STRA6: variants seen among roughly 807,000 people sequenced by gnomAD.
The protein encoded by STRA6 is receptor for retinol uptake STRA6.
Under a neutral mutation model 83.6 loss-of-function variants are expected in STRA6, and 48 were observed. The ratio of observed to expected loss-of-function variants is 0.57; its 90% CI spans 0.46 to 0.73. STRA6 has a LOEUF of 0.73. Among genes scored for constraint, STRA6 ranks in the 30% least tolerant of loss-of-function variants. The probability of loss-of-function intolerance (pLI) is 0.00; values close to 1 mark genes in which losing one functional copy is unlikely to be tolerated. For synonymous variants in STRA6, 353 were observed against 362.3 expected, an observed-to-expected ratio of 0.97 and a Z score of 0.29; for missense variants, 760 against 838.8, an observed-to-expected ratio of 0.91 and a Z score of 1.16.
chr15:74,185,786 C>T (rs1233574680), intron 12 of STRA6, among the ~76,000 whole-genome samples: 2 of 152,250 alleles, frequency 1.3e-5, no homozygotes, highest in South Asian at 2.1e-4. Context: ...ACTGTTCCCA[C>T]TGGGCTGAAG....
At chr15:74,182,296 C>T (rs748443053) in intron 15 of STRA6, 34 bp from the exon 16 acceptor site, 7 of 1,612,616 alleles carry the variant, frequency 4.3e-6, no homozygotes, top group East Asian at 2.2e-5. Context: ...TCGCTGTTAG[C>T]GGACCTCTAA....
intron 2 of STRA6, among the ~76,000 whole-genome samples, chr15:74,200,491 T>A (rs990675741): frequency 2.6e-5 from 4 of 152,202 alleles, no homozygotes; most frequent in African/African-American, 9.7e-5. Flanking sequence ...TCCACTGCCA[T>A]CAGTGTTCAT....
Position 74,191,198 on chromosome 15 carries a change from G to C in STRA6, c.834C>G (p.Cys278Trp). 6.2e-7 allele frequency: 1 copy of C among 1,613,588 alleles called. No homozygotes were observed. Among genetic ancestry groups the C allele is most frequent in the South Asian group, 1.1e-5 (1 of 91,044 alleles). ...GTGGAGTGTAGATGCAGTGTCTCAAGCAGACGCGGGCCCAGGACAGGAAGC... is the reference window on the plus strand; with the variant it reads ...GTGGAGTGTAGATGCAGTGTCTCAACCAGACGCGGGCCCAGGACAGGAAGC... ...KHGFLSWARV[C>W]LRHCIYTPQP... Residue 278 changes from cysteine (C) to tryptophan (W), a missense_variant, in exon 10 of 19, where the codon TGC (cysteine) becomes TGG (tryptophan). By Grantham distance (215) the Cys-to-Trp change is radical. Transcript: ENST00000395105.
At chr15:74,199,933 G>T (rs1446309977) in intron 2 of STRA6, among the ~76,000 whole-genome samples, 4 of 152,150 alleles carry the variant, frequency 2.6e-5, no homozygotes, top group Non-Finnish European at 2.9e-5. Context: ...AAAATGGTTA[G>T]TGGCTGGGAG....
At chr15:74,191,576 C>T (rs916544728) in intron 8 of STRA6, 85 bp from the exon 9 acceptor site, 44 of 1,188,996 alleles carry the variant, frequency 3.7e-5, no homozygotes, top group Non-Finnish European at 4.9e-5. Flanking sequence ...AGAGTGTTCA[C>T]CAAGCAGGTG....
At position 74,202,767 on chromosome 15, in the gene STRA6, A is replaced by C; in HGVS notation, c.-70T>G. The C allele has an allele frequency of 8.4e-7, 1 of 1,189,564 alleles. No homozygotes were observed. The allele number at this position is 1,189,564 out of a possible 1,614,324, so 73.7% of individuals were successfully genotyped here. On this transcript the variant is annotated 5_prime_UTR_variant, in exon 1 of 19. Transcript: ENST00000395105. The stretch of plus-strand genomic sequence containing the variant: ...GCAGAGATGAAAGGGTAGGCAGCCC[A>C]CGGCCAGCTCCGCACTGCCTGCCTG...
Position 74,202,696 on chromosome 15 carries a change from C to A in STRA6, c.-16+17G>T, listed in dbSNP as rs961732057. On this transcript the variant is annotated intron_variant, in intron 1 of 18. Transcript: ENST00000395105. ...TTCCCCTTTCCCAAGCCCACCTAGA[C>A]AGACCCACAGACACACCAGAAGGGA... The A allele has an allele frequency of 1.8e-5, 24 of 1,322,736 alleles. No individual in the cohort carries two copies. The highest frequency in any genetic ancestry group is 7.0e-5 in the Admixed American group (2 of 28,726). 81.9% of individuals were successfully genotyped at this position (1,322,736 alleles called of 1,614,324 possible).
rs868320735 is a variant in STRA6 at position 74,208,111 on chromosome 15, G to A, written c.-16+689C>T. On this transcript the variant is annotated intron_variant, in intron 1 of 18. Transcript: ENST00000323940. ...GGGTGGACACTGGTGAGGAGGAGGA[G>A]GGTAGCCGGCTGTGCCAGGGGAGCA... The A allele has an allele frequency of 2.7e-6, 3 of 1,124,820 alleles. No homozygotes were observed. In the African/African-American group the frequency reaches 4.8e-5, roughly 18 times the overall value. 69.7% of individuals were successfully genotyped at this position (1,124,820 alleles called of 1,614,324 possible).
intron 12 of STRA6, among the ~76,000 whole-genome samples, chr15:74,186,750 G>A (rs1300968691): frequency 2.0e-5 from 3 of 152,206 alleles, no homozygotes; most frequent in Admixed American, 6.5e-5. Flanking sequence ...CAGCCTGGGC[G>A]ACAGAGCACA....
rs1380024175 is a variant in STRA6 at position 74,184,881 on chromosome 15, GC to G, written c.1166+98del. On this transcript the variant is annotated intron_variant, in intron 13 of 18. Transcript: ENST00000395105. The stretch of plus-strand genomic sequence containing the variant: ...CTCCATGACAGCCCGGGCCGGCAGA[GC>G]CCTTCCCTCCCTCCAGGCCCAGGGC... 2.4e-6 allele frequency: 3 copies of G among 1,241,982 alleles called. No individual in the cohort carries two copies. The African/African-American group carries it at 4.4e-5, about 18-fold the overall frequency. The allele number at this position is 1,241,982 out of a possible 1,614,324, so 76.9% of individuals were successfully genotyped here.
chr15:74,179,911 C>G lies in STRA6; in HGVS notation c.*169G>C. ...CATAGCCAAGTGGGTGGAGCAGAGC[C>G]CTCCTGAGGCTCCCAGTGCAGACAG... On this transcript the variant is annotated 3_prime_UTR_variant, in exon 19 of 19. Transcript: ENST00000395105. 1.1e-6 allele frequency: 1 copy of G among 875,608 alleles called. No individual in the cohort carries two copies. Among genetic ancestry groups the G allele is most frequent in the South Asian group, 1.7e-5 (1 of 59,552 alleles). 54.2% of individuals were successfully genotyped at this position (875,608 alleles called of 1,614,324 possible).
intron 12 of STRA6, among the ~76,000 whole-genome samples, chr15:74,186,687 CT>C (rs1217171485): frequency 3.3e-5 from 5 of 152,190 alleles, no homozygotes; most frequent in African/African-American, 1.2e-4. Flanking sequence ...GGGAGAATTG[CT>C]TGAACCCAGG....
In STRA6 at chr15:74,185,071, T is replaced by A. The variant is rs761365307; in HGVS notation, c.1091-16A>T. Reference sequence around the variant, plus strand: ...ATGTAGCACACTGGTGGGCAGAGAATGAGCAAAGTGAGAGGTCAGGGTCTG... The same window carrying A: ...ATGTAGCACACTGGTGGGCAGAGAAAGAGCAAAGTGAGAGGTCAGGGTCTG... On this transcript the variant is annotated splice_polypyrimidine_tract_variant and intron_variant, in intron 12 of 18. Coordinates refer to ENST00000395105, the MANE Select transcript of STRA6 (RefSeq NM_022369.4). The A allele has an allele frequency of 8.7e-6, 14 of 1,613,010 alleles. No homozygotes were observed. The South Asian group carries it at 1.5e-4, about 18-fold the overall frequency.
In STRA6 at chr15:74,194,356, G is replaced by A. The variant is rs79679817; in HGVS notation, c.598-434C>T. The stretch of plus-strand genomic sequence containing the variant: ...ACTCCTCAGGGCTGAGGCCTTCCTG[G>A]GGGTGGGCTTTTTGTATACTCATTC... On this transcript the variant is annotated intron_variant, in intron 7 of 18. Coordinates refer to ENST00000395105, the MANE Select transcript of STRA6 (RefSeq NM_022369.4). 304 of 1,069,762 alleles carry A rather than the reference G, an allele frequency of 2.8e-4. No homozygotes were observed. In the African/African-American group the frequency reaches 4.8e-3, roughly 17 times the overall value. 66.3% of individuals were successfully genotyped at this position (1,069,762 alleles called of 1,614,324 possible).
upstream of STRA6, among the ~76,000 whole-genome samples, chr15:74,205,542 G>A (rs2074240634): frequency 6.6e-6 from 1 of 152,158 alleles, no homozygotes; most frequent in South Asian, 2.1e-4. Flanking sequence ...GGGATACCCC[G>A]CAATGACCCA....
chr15:74,207,446 C>G (rs1356682155), upstream of STRA6, among the ~76,000 whole-genome samples: 9 of 152,166 alleles, frequency 5.9e-5, no homozygotes. Context: ...CACTCAAACT[C>G]TGGCAAACTC....
chr15:74,201,863 C>A (rs2074081969), intron 2 of STRA6, among the ~76,000 whole-genome samples: 1 of 152,168 alleles, frequency 6.6e-6, no homozygotes, highest in Non-Finnish European at 1.5e-5. Context: ...ACCCAGGGAG[C>A]CATCCCTGCA....
At chr15:74,208,865 C>T in exon 1 of STRA6, 2 of 990,022 alleles carry the variant, frequency 2.0e-6, no homozygotes, top group Non-Finnish European at 2.4e-6. Context: ...TTGATCTCTC[C>T]CGGAAACTTG....
chr15:74,207,980 AG>A (rs1381050816), intron 1 of STRA6: 1 of 1,421,620 alleles, frequency 7.0e-7, no homozygotes, highest in African/African-American at 1.4e-5. Flanking sequence ...GCCATGTGGG[AG>A]GGTCAGAAGC....
Sources: allele counts gnomAD v4.1 joint callset (sites outside exome capture counted in the v4.1 genomes callset), GRCh38; gene constraint gnomAD v4.1.1; transcripts MANE v1.5; gene names NCBI Gene and HGNC (gene_info 2026-07-23, HGNC 2026-07-21).